The following WWOX variants were observed in gnomAD, a reference collection of about 807,000 sequenced individuals.
The protein encoded by WWOX is WW domain containing oxidoreductase.
In WWOX, 69 loss-of-function variants were observed where a neutral mutation model predicts 46.2. The observed-to-expected ratio is 1.49, with a 90% confidence interval of 1.23 to 1.82. The LOEUF (loss-of-function observed/expected upper bound fraction) is 1.82, where lower values mean the gene tolerates loss of function less well. Ranked by LOEUF, WWOX falls within the 40% of genes most tolerant of loss-of-function variation. WWOX has a pLI of 0.00. For missense variants in WWOX, 919 were observed against 542.6 expected (o/e 1.69, Z -6.89); for synonymous variants, 359 against 202.6 (o/e 1.77, Z -6.56).
chr16:78,159,187 TC>T (rs112603905), intron 4 of WWOX, among the ~76,000 whole-genome samples: 22,960 of 152,040 alleles, frequency 0.15, 1,950 homozygotes, highest in East Asian at 0.24. Context: ...CTTCCACATT[TC>T]CTTTATCCAT....
At chr16:78,997,549 C>G (rs887804611) in intron 8 of WWOX, among the ~76,000 whole-genome samples, 2 of 152,120 alleles carry the variant, frequency 1.3e-5, no homozygotes, top group Non-Finnish European at 2.9e-5. Flanking sequence ...TTCACCTAAA[C>G]AATAGCATGT....
intron 8 of WWOX, among the ~76,000 whole-genome samples, chr16:78,850,120 CA>C (rs2052404859): frequency 6.6e-6 from 1 of 151,594 alleles, no homozygotes; most frequent in Non-Finnish European, 1.5e-5. Context: ...TTTTAGTCTA[CA>C]GAAGTTTTCA....
At chr16:78,193,913 T>C (rs1168183517) in intron 5 of WWOX, among the ~76,000 whole-genome samples, 1 of 151,794 alleles carries the variant, frequency 6.6e-6, no homozygotes, top group African/African-American at 2.4e-5. Context: ...ACTCTCGCAC[T>C]GTCGCCCAGG....
intron 8 of WWOX, among the ~76,000 whole-genome samples, chr16:78,448,751 C>T (rs1205301239): frequency 1.3e-5 from 2 of 152,180 alleles, no homozygotes; most frequent in Non-Finnish European, 2.9e-5. Flanking sequence ...ATCATGTCTT[C>T]TCTTGAAATG....
At chr16:78,739,273 T>G (rs1052630013) in intron 8 of WWOX, among the ~76,000 whole-genome samples, 8 of 152,112 alleles carry the variant, frequency 5.3e-5, no homozygotes, top group African/African-American at 9.7e-5. Context: ...GAAGGGTGCT[T>G]GTTCAGCTTG....
intron 6 of WWOX, among the ~76,000 whole-genome samples, chr16:78,404,067 A>G (rs1467766360): frequency 2.0e-5 from 3 of 152,202 alleles, no homozygotes; most frequent in African/African-American, 4.8e-5. Context: ...GCTAAAAAGT[A>G]TAGAAGAGTT....
intron 3 of WWOX, among the ~76,000 whole-genome samples, chr16:78,110,290 A>G (rs900618342): frequency 6.9e-6 from 1 of 144,674 alleles, no homozygotes; most frequent in African/African-American, 2.6e-5. Context: ...CAGTGAGCTG[A>G]GATCGCGCCA....
At chr16:78,670,277 G>T (rs1337122745) in intron 8 of WWOX, among the ~76,000 whole-genome samples, 2 of 152,126 alleles carry the variant, frequency 1.3e-5, no homozygotes, top group Non-Finnish European at 2.9e-5. Flanking sequence ...CATATCCTTG[G>T]ATGTTTTTCT....
chr16:78,947,380 C>CA (rs72528104), intron 8 of WWOX, among the ~76,000 whole-genome samples: 5 of 144,968 alleles, frequency 3.4e-5, no homozygotes, highest in African/African-American at 1.2e-4. Flanking sequence ...CTCTTCCCCC[C>CA]CTTAGCTGTA....
intron 8 of WWOX, among the ~76,000 whole-genome samples, chr16:78,641,868 G>A (rs546468937): frequency 2.6e-5 from 4 of 152,178 alleles, no homozygotes. Context: ...AATTAACGGG[G>A]AGCCGAAATT....
At chr16:78,819,176 C>A (rs113286801) in intron 8 of WWOX, among the ~76,000 whole-genome samples, 1 of 152,180 alleles carries the variant, frequency 6.6e-6, no homozygotes, top group South Asian at 2.1e-4. Flanking sequence ...TGGATCTTCT[C>A]AGCCCCATCA....
intron 8 of WWOX, among the ~76,000 whole-genome samples, chr16:78,574,570 G>C (rs1308794444): frequency 6.6e-6 from 1 of 152,076 alleles, no homozygotes; most frequent in African/African-American, 2.4e-5. Flanking sequence ...TACTACCTGT[G>C]TTGTCACAAA....
chr16:78,850,116 T>C (rs2052404658), intron 8 of WWOX, among the ~76,000 whole-genome samples: 1 of 152,008 alleles, frequency 6.6e-6, no homozygotes, highest in South Asian at 2.1e-4. Flanking sequence ...TGGCTTTTAG[T>C]CTACAGAAGT....
chr16:79,180,047 C>T (rs979838026), intron 8 of WWOX, among the ~76,000 whole-genome samples: 3 of 152,090 alleles, frequency 2.0e-5, no homozygotes, highest in African/African-American at 7.2e-5. Context: ...GAGGTTTCCA[C>T]TGAGTTGCTT....
At chr16:79,110,665 C>T (rs749698876) in intron 8 of WWOX, 7 of 152,170 alleles carry the variant, frequency 4.6e-5, no homozygotes, top group South Asian at 2.1e-4. Flanking sequence ...GTTAAACTCA[C>T]GTTCATTTCT....
At chr16:78,723,819 T>G (rs1447021871) in intron 8 of WWOX, among the ~76,000 whole-genome samples, 1 of 152,012 alleles carries the variant, frequency 6.6e-6, no homozygotes, top group African/African-American at 2.4e-5. Context: ...GACTAAGCAG[T>G]TGATGTAACA....
intron 8 of WWOX, among the ~76,000 whole-genome samples, chr16:78,831,845 A>G (rs984810407): frequency 2.6e-5 from 4 of 152,204 alleles, no homozygotes; most frequent in Admixed American, 2.0e-4. Flanking sequence ...ACAGTCTCTT[A>G]GGAGACACAG....
intron 8 of WWOX, among the ~76,000 whole-genome samples, chr16:78,619,944 C>T (rs1297942325): frequency 6.6e-6 from 1 of 152,042 alleles, no homozygotes; most frequent in South Asian, 2.1e-4. Flanking sequence ...GTAACAGAAC[C>T]ATAGGCCTTA....
At chr16:79,172,327 G>A (rs748665818) in intron 8 of WWOX, among the ~76,000 whole-genome samples, 4 of 152,176 alleles carry the variant, frequency 2.6e-5, no homozygotes, top group Non-Finnish European at 2.9e-5. Flanking sequence ...TGCAGGAAGC[G>A]CGGACTTCAG....
Sources: gnomAD v4.1 joint callset for allele counts (sites outside exome capture counted in the v4.1 genomes callset) on GRCh38, gnomAD v4.1.1 for gene constraint, MANE v1.5 for transcripts, NCBI Gene and HGNC (gene_info 2026-07-23, HGNC 2026-07-21) for gene names.